Variants in KIF13B observed in about 807,000 individuals in gnomAD.
KIF13B encodes kinesin family member 13B, also known as kinesin-like protein KIF13B.
KIF13B carries 127 observed loss-of-function variants against 222.0 expected under a neutral mutation model. The ratio of observed to expected loss-of-function variants is 0.57; its 90% confidence interval spans 0.50 to 0.66. KIF13B has a LOEUF of 0.66. KIF13B is among the 30% of genes least tolerant of loss of function. The pLI is 0.00. For missense variants in KIF13B, 2,173 were observed against 2,379.0 expected (o/e 0.91, Z 1.80); for synonymous variants, 976 against 919.0 (o/e 1.06, Z -1.12).
rs1364156216 is a variant in KIF13B at position 29,142,186 on chromosome 8, C to A, written c.2305G>T (p.Glu769Ter). 3.1e-6 allele frequency: 5 copies of A among 1,613,604 alleles called. No homozygotes were observed. Among genetic ancestry groups the A allele is most frequent in the Non-Finnish European group, 4.2e-6 (5 of 1,179,582 alleles). ...RLLDMRDLYQEWKECEEDNPV... is the reference protein window; with the variant it reads ...RLLDMRDLYQ ...TTATCTTCTTCACACTCTTTCCACT[C>A]CTGATAAAGGTCTCTCATATCCAAC... Residue 769 changes from glutamate to a stop codon, truncating the protein, a stop_gained, in exon 19 of 40, where the codon GAG (glutamate) becomes TAG (stop). Transcript: ENST00000524189. LOFTEE classifies it high-confidence loss of function.
At chr8:29,260,299 G>A (rs1191312040) in intron 1 of KIF13B, among the ~76,000 whole-genome samples, 1 of 152,148 alleles carries the variant, frequency 6.6e-6, no homozygotes, top group Non-Finnish European at 1.5e-5. Flanking sequence ...GAGTTTTCTG[G>A]AAATTTTCAG....
At chr8:29,109,330 A>G in intron 34 of KIF13B, 104 bp downstream of exon 34, 5 of 870,658 alleles carry the variant, frequency 5.7e-6, no homozygotes, top group Non-Finnish European at 9.5e-6. Context: ...TGGCAAGGGA[A>G]GGGTTTCGGA....
Position 29,071,984 on chromosome 8 carries a change from G to C in KIF13B, c.4854C>G (p.Ala1618=), listed in dbSNP as rs997862619. 5 of 1,307,942 alleles carry C rather than the reference G, an allele frequency of 3.8e-6. No individual in the cohort carries two copies. The highest frequency in any genetic ancestry group is 4.3e-5 in the Admixed American group (1 of 23,362). 81.0% of individuals were successfully genotyped at this position (1,307,942 alleles called of 1,614,324 possible). A position where few individuals can be genotyped will look rare whatever the true frequency, so the allele number is the denominator to read the frequency against. ...GCTGCTGGGGGCCAGGGGGCTCCTC[G>C]GCGGGGACGGCCGTGGGCGGTGGGG... The part of the protein sequence containing the change: ...SHPPPPTAVP[A]EEPPGPQQLV... The change falls in exon 39 of 40, where the codon GCC becomes GCG. Residue 1618 remains alanine, a synonymous_variant. Coordinates refer to ENST00000524189, the MANE Select transcript of KIF13B (RefSeq NM_015254.4). The surrounding 1 kb of genome is among the most constrained non-coding windows in gnomAD (Gnocchi z 4.9).
Position 29,070,816 on chromosome 8 carries a change from C to T in KIF13B, c.5219-50G>A. On this transcript the variant is annotated intron_variant, in intron 39 of 39. Transcript: ENST00000524189. This position sits in a 1 kb window ranked among gnomAD's most constrained non-coding sequence, Gnocchi z 4.1. Reference sequence around the variant, plus strand: ...TGGAGGGCAGCCGAGCTGCAGACGGCCCCCTGCACCTCCCTTACCTCTGCA... The same window carrying T: ...TGGAGGGCAGCCGAGCTGCAGACGGTCCCCTGCACCTCCCTTACCTCTGCA... 6.4e-7 allele frequency: 1 copy of T among 1,556,278 alleles called. No individual in the cohort carries two copies. The highest frequency in any genetic ancestry group is 8.7e-7 in the Non-Finnish European group (1 of 1,149,328).
chr8:29,160,616 G>A, intron 13 of KIF13B, 117 bp downstream of exon 13: 1 of 800,622 alleles, frequency 1.2e-6, no homozygotes, highest in African/African-American at 1.8e-5. Flanking sequence ...AACCCAAGAT[G>A]GTTCTATAAC....
At chr8:29,174,437 T>A (rs1019405121) in intron 10 of KIF13B, among the ~76,000 whole-genome samples, 1 of 148,350 alleles carries the variant, frequency 6.7e-6, no homozygotes, top group Admixed American at 6.7e-5. Context: ...GAAAAGTAAA[T>A]TTTTTTTTTT....
intron 13 of KIF13B, among the ~76,000 whole-genome samples, chr8:29,157,636 T>G (rs1299556957): frequency 6.6e-6 from 1 of 151,056 alleles, no homozygotes; most frequent in Non-Finnish European, 1.5e-5. Context: ...ACCTGGGAGG[T>G]GGAGGTTGCA....
chr8:29,095,774 AC>A (rs1314258957), intron 36 of KIF13B, among the ~76,000 whole-genome samples: 3 of 151,822 alleles, frequency 2.0e-5, no homozygotes, highest in Admixed American at 6.5e-5. Context: ...TCTCAAAAAA[AC>A]AAAACAAAAC....
chr8:29,207,515 G>A (rs2130453569), intron 2 of KIF13B, among the ~76,000 whole-genome samples: 1 of 152,118 alleles, frequency 6.6e-6, no homozygotes, highest in Admixed American at 6.5e-5. Flanking sequence ...ATGAAATGAC[G>A]AGCTTGTCTA....
chr8:29,243,667 A>G (rs1285770051), intron 2 of KIF13B, among the ~76,000 whole-genome samples: 2 of 151,950 alleles, frequency 1.3e-5, no homozygotes, highest in East Asian at 1.9e-4. Flanking sequence ...AAAAAAAAAA[A>G]GAAAGAAAAG....
At chr8:29,227,843 C>G (rs1025953324) in intron 2 of KIF13B, among the ~76,000 whole-genome samples, 2 of 152,016 alleles carry the variant, frequency 1.3e-5, no homozygotes, top group Non-Finnish European at 2.9e-5. Context: ...CCCAGCTACT[C>G]AGGAGGCTGA....
Position 29,146,486 on chromosome 8 carries a change from G to A in KIF13B, c.2079C>T (p.Ala693=). 2.5e-6 allele frequency: 4 copies of A among 1,613,624 alleles called. No individual in the cohort carries two copies. Among genetic ancestry groups the A allele is most frequent in the Non-Finnish European group, 3.4e-6 (4 of 1,179,668 alleles). Residue 693 remains alanine (A), a synonymous_variant, in exon 18 of 40, where the codon GCC becomes GCT. Coordinates refer to ENST00000524189, the MANE Select transcript of KIF13B (RefSeq NM_015254.4). ...LMRLREQIVK[A]NLLVREANYI... Reference sequence around the variant, plus strand: ...AATTAGCTTCTCTCACCAATAGATTGGCCTTAACAATTTGTTCCCTCAGCC... The same window carrying A: ...AATTAGCTTCTCTCACCAATAGATTAGCCTTAACAATTTGTTCCCTCAGCC...
At chr8:29,220,109 G>A (rs1363946637) in intron 2 of KIF13B, among the ~76,000 whole-genome samples, 1 of 151,926 alleles carries the variant, frequency 6.6e-6, no homozygotes. Context: ...GAATAAGTTG[G>A]TTCTAATACA....
At chr8:29,224,437 T>A (rs1158796741) in intron 2 of KIF13B, among the ~76,000 whole-genome samples, 3 of 152,200 alleles carry the variant, frequency 2.0e-5, no homozygotes, top group Admixed American at 6.5e-5. Context: ...GCATTGGGAA[T>A]AATTGCTTCA....
chr8:29,193,653 G>A (rs576187382), intron 3 of KIF13B, among the ~76,000 whole-genome samples: 2 of 152,290 alleles, frequency 1.3e-5, no homozygotes, highest in South Asian at 4.1e-4. Context: ...GACCTCCCAT[G>A]AATACCAAAA....
chr8:29,164,450 C>T (rs1165755343), intron 12 of KIF13B, among the ~76,000 whole-genome samples: 1 of 152,214 alleles, frequency 6.6e-6, no homozygotes, highest in Non-Finnish European at 1.5e-5. Flanking sequence ...TGTTAGACTA[C>T]TGAGAGGATT....
intron 10 of KIF13B, among the ~76,000 whole-genome samples, chr8:29,168,610 G>A (rs1238000786): frequency 6.6e-6 from 1 of 152,166 alleles, no homozygotes; most frequent in Non-Finnish European, 1.5e-5. Flanking sequence ...AAGTGAGGTG[G>A]CCCTACGAAG....
At chr8:29,210,065 A>G (rs878964498) in intron 2 of KIF13B, among the ~76,000 whole-genome samples, 4 of 150,540 alleles carry the variant, frequency 2.7e-5, no homozygotes, top group East Asian at 1.9e-4. Flanking sequence ...CAGAGAGAGA[A>G]AAAAAAAAAG....
chr8:29,189,343 C>CA (rs1465885750), intron 4 of KIF13B: 2 of 149,902 alleles, frequency 1.3e-5, no homozygotes, highest in Non-Finnish European at 3.0e-5. Flanking sequence ...CCACCTAGAC[C>CA]AAATGAATCT....
Sources: gnomAD v4.1 joint callset for allele counts (sites outside exome capture counted in the v4.1 genomes callset) on GRCh38, gnomAD v4.1.1 for gene constraint, Gnocchi (gnomAD v3.1) non-coding constraint, MANE v1.5 for transcripts, NCBI Gene and HGNC (gene_info 2026-07-23, HGNC 2026-07-21) for gene names.